Variants in GRM8 observed in about 807,000 individuals in gnomAD.
GRM8 encodes metabotropic glutamate receptor 8.
In GRM8, 47 loss-of-function variants were observed where a neutral mutation model predicts 87.2. The ratio of observed to expected loss-of-function variants is 0.54; its 90% CI spans 0.43 to 0.69. The LOEUF (loss-of-function observed/expected upper bound fraction) is 0.69, where lower values mean the gene tolerates loss of function less well. GRM8 is among the 30% of genes least tolerant of loss of function. The probability of loss-of-function intolerance (pLI) is 0.00; values close to 1 mark genes in which losing one functional copy is unlikely to be tolerated. For synonymous variants in GRM8, 396 were observed against 404.5 expected (o/e 0.98, Z 0.25); for missense variants, 1,019 against 1,139.2 (o/e 0.89, Z 1.52).
At chr7:126,999,029 A>G (rs1239144507) in intron 3 of GRM8, among the ~76,000 whole-genome samples, 1 of 152,002 alleles carries the variant, frequency 6.6e-6, no homozygotes, top group African/African-American at 2.4e-5. Context: ...AATAACAAAT[A>G]AAACAGCAGG....
chr7:126,753,960 C>T (rs78712178), intron 7 of GRM8, among the ~76,000 whole-genome samples: 4 of 151,772 alleles, frequency 2.6e-5, no homozygotes, highest in Admixed American at 6.6e-5. Flanking sequence ...TTTTCAATCA[C>T]GGTGATTAAG....
chr7:126,972,191 A>G (rs1213613479), intron 3 of GRM8, among the ~76,000 whole-genome samples: 1 of 152,222 alleles, frequency 6.6e-6, no homozygotes, highest in African/African-American at 2.4e-5. Flanking sequence ...ACATCTACTT[A>G]GTTCAGTCAT....
chr7:126,507,849 C>T (rs1810721794), intron 9 of GRM8, among the ~76,000 whole-genome samples: 1 of 151,944 alleles, frequency 6.6e-6, no homozygotes, highest in Non-Finnish European at 1.5e-5. Context: ...CCCTGTATGG[C>T]CCTCCCCCAA....
intron 8 of GRM8, among the ~76,000 whole-genome samples, chr7:126,600,161 T>C (rs1248044276): frequency 6.6e-6 from 1 of 152,180 alleles, no homozygotes; most frequent in Admixed American, 6.6e-5. Context: ...ATTTAATCTG[T>C]ACCTGTATAA....
intron 9 of GRM8, among the ~76,000 whole-genome samples, chr7:126,484,965 T>C (rs1248715896): frequency 1.3e-5 from 2 of 151,910 alleles, no homozygotes; most frequent in Non-Finnish European, 2.9e-5. Context: ...ATGTACTTGA[T>C]TTTGTTTACC....
chr7:126,610,564 G>C lies in GRM8; in HGVS notation c.1358-1066C>G, dbSNP rs938811142. On this transcript the variant is annotated intron_variant, in intron 7 of 10. Transcript: ENST00000339582. ...TCTCCAAAAGTATACATAACTAATA[G>C]TTATATACGTCAACTGTACATATTC... 3.9e-5 allele frequency among the ~76,000 whole-genome samples: 6 copies of C among 152,000 alleles called. No homozygotes were observed. In the South Asian group the frequency reaches 8.3e-4, roughly 21 times the overall value.
chr7:126,623,871 A>T (rs913445388), intron 7 of GRM8, among the ~76,000 whole-genome samples: 6 of 152,166 alleles, frequency 3.9e-5, no homozygotes, highest in African/African-American at 1.4e-4. Flanking sequence ...TGAGCCCGGG[A>T]GGTGGAAGCT....
At chr7:126,621,524 T>C (rs1475371416) in intron 7 of GRM8, among the ~76,000 whole-genome samples, 2 of 152,172 alleles carry the variant, frequency 1.3e-5, no homozygotes, top group Non-Finnish European at 2.9e-5. Context: ...GTTCAAGTGA[T>C]TCTCCTGTCT....
intron 9 of GRM8, chr7:126,512,220 G>C (rs1811490313): frequency 6.6e-6 from 1 of 152,176 alleles, no homozygotes; most frequent in Non-Finnish European, 1.5e-5. Flanking sequence ...AGATTGACCT[G>C]ATCAACTGGT....
intron 8 of GRM8, among the ~76,000 whole-genome samples, chr7:126,609,146 A>G (rs1798661413): frequency 6.6e-6 from 1 of 152,168 alleles, no homozygotes; most frequent in African/African-American, 2.4e-5. Context: ...GAAAAAAATC[A>G]GATCATTCAT....
rs1810049027 is a variant in GRM8 at position 126,702,521 on chromosome 7, T to C, written c.1357+67344A>G. Among the ~76,000 whole-genome samples the C allele has an allele frequency of 2.0e-5, 3 of 152,206 alleles. No individual in the cohort carries two copies. The South Asian group carries it at 6.2e-4, about 31-fold the overall frequency. The stretch of plus-strand genomic sequence containing the variant: ...ACGCAGTGGCAGAGAAGGTGTCTAC[T>C]TCACTGGCACAGAAGTCCAGTCTCC... On this transcript the variant is annotated intron_variant, in intron 7 of 10. Transcript: ENST00000339582.
chr7:127,225,698 T>C (rs1025741208), intron 2 of GRM8, among the ~76,000 whole-genome samples: 1 of 148,422 alleles, frequency 6.7e-6, no homozygotes, highest in Non-Finnish European at 1.5e-5. Flanking sequence ...ATATACTATA[T>C]ATTATATAGA....
At chr7:126,679,226 C>T (rs1433920830) in intron 7 of GRM8, among the ~76,000 whole-genome samples, 1 of 152,172 alleles carries the variant, frequency 6.6e-6, no homozygotes, top group Non-Finnish European at 1.5e-5. Context: ...TAAATTATTG[C>T]AGTTCATTTT....
At chr7:127,204,536 T>G (rs986549203) in intron 2 of GRM8, among the ~76,000 whole-genome samples, 1 of 152,202 alleles carries the variant, frequency 6.6e-6, no homozygotes, top group African/African-American at 2.4e-5. Flanking sequence ...TTAAGGCACT[T>G]TTCTGTCTTT....
At chr7:127,119,498 T>A (rs17867767) in intron 2 of GRM8, among the ~76,000 whole-genome samples, 195 of 138,616 alleles carry the variant, frequency 1.4e-3, no homozygotes, top group African/African-American at 4.9e-3. Flanking sequence ...TCTCTCTCTC[T>A]CTCACACACA....
At chr7:126,835,566 CTA>C (rs925372609) in intron 6 of GRM8, among the ~76,000 whole-genome samples, 1 of 152,110 alleles carries the variant, frequency 6.6e-6, no homozygotes, top group African/African-American at 2.4e-5. Context: ...AAATGATTAA[CTA>C]TTGTTGAAAT....
chr7:126,672,953 C>A (rs879588561), intron 7 of GRM8, among the ~76,000 whole-genome samples: 1 of 152,106 alleles, frequency 6.6e-6, no homozygotes, highest in Admixed American at 6.5e-5. Flanking sequence ...TAAGATAGTT[C>A]TTTGTCCCTA....
At chr7:126,975,029 T>A (rs1474804237) in intron 3 of GRM8, among the ~76,000 whole-genome samples, 1 of 149,594 alleles carries the variant, frequency 6.7e-6, no homozygotes, top group East Asian at 2.0e-4. Context: ...GCCTCAAAGC[T>A]GAGAGGGCTC....
chr7:126,872,386 CTT>C (rs1426804417), intron 6 of GRM8, among the ~76,000 whole-genome samples: 1 of 152,090 alleles, frequency 6.6e-6, no homozygotes, highest in East Asian at 1.9e-4. Context: ...GCCCAGACCT[CTT>C]TGTCTTACCC....
Sources: gnomAD v4.1 joint callset for allele counts (sites outside exome capture counted in the v4.1 genomes callset) on GRCh38, gnomAD v4.1.1 for gene constraint, MANE v1.5 for transcripts, NCBI Gene and HGNC (gene_info 2026-07-23, HGNC 2026-07-21) for gene names.